Variants in GAB1 observed in about 807,000 individuals in gnomAD.
GAB1 encodes the protein GRB2-associated-binding protein 1.
GAB1 carries 19 observed loss-of-function variants against 66.5 expected under a neutral mutation model. The observed-to-expected ratio is 0.29, with a 90% CI of 0.20 to 0.42. The LOEUF is 0.42. Among genes scored for constraint, GAB1 ranks in the 10% least tolerant of loss-of-function variants. GAB1 has a pLI of 1.00. For synonymous variants in GAB1, 294 were observed against 301.4 expected, an observed-to-expected ratio of 0.98 and a Z score of 0.25; for missense variants, 732 against 858.5, an observed-to-expected ratio of 0.85 and a Z score of 1.84.
In GAB1 at chr4:143,415,616, G is replaced by C; in HGVS notation, c.212G>C (p.Gly71Ala). The C allele has an allele frequency of 1.2e-6, 2 of 1,613,914 alleles. No individual in the cohort carries two copies. Among genetic ancestry groups the C allele is most frequent in the Non-Finnish European group, 1.7e-6 (2 of 1,179,806 alleles). The change falls in exon 2 of 10, where the codon GGA (glycine) becomes GCA (alanine). Residue 71 changes from glycine (G) to alanine (A), a missense_variant. Physicochemically the swap from Gly to Ala is moderately conservative, Grantham distance 60. Coordinates refer to ENST00000262994, the MANE Select transcript of GAB1 (RefSeq NM_002039.4). The stretch of plus-strand genomic sequence containing the variant: ...AATTTATGTCAACAAGTAGATGCTG[G>C]ATTGACATTTAACAAAAAAGAGTTT... ...DLNLCQQVDA[G>A]LTFNKKEFEN... is the part of the protein sequence containing the mutation.
chr4:143,438,366 C>G lies in GAB1; in HGVS notation c.961C>G (p.Arg321Gly), dbSNP rs982403764. 3 of 1,614,052 alleles carry G rather than the reference C, an allele frequency of 1.9e-6. No homozygotes were observed. The highest frequency in any genetic ancestry group is 1.7e-6 in the Non-Finnish European group (2 of 1,179,984). Reference protein sequence around the residue: ...PTPGNTYQIPRTFPEGTLGQT... With the variant: ...PTPGNTYQIPGTFPEGTLGQT... ...ACCTGGTAATACTTATCAGATTCCA[C>G]GAACATTTCCAGAAGGAACCTTGGG... Residue 321 changes from arginine to glycine, a missense_variant, in exon 4 of 10, where the codon CGA (arginine) becomes GGA (glycine). Physicochemically the swap from Arg to Gly is moderately radical, Grantham distance 125. Around this residue, in one of 4 missense-constraint regions of GAB1, gnomAD observed 427 missense variants for 420.6 expected, o/e 1.02. Coordinates refer to ENST00000262994, the MANE Select transcript of GAB1 (RefSeq NM_002039.4).
chr4:143,447,596 A>T (rs1049626159), intron 6 of GAB1, among the ~76,000 whole-genome samples: 9 of 149,536 alleles, frequency 6.0e-5, no homozygotes, highest in African/African-American at 1.9e-4. Flanking sequence ...GCTCTCTGTT[A>T]TTGGTGTATA....
intron 1 of GAB1, among the ~76,000 whole-genome samples, chr4:143,372,922 C>T (rs983862680): frequency 1.3e-5 from 2 of 152,194 alleles, no homozygotes; most frequent in African/African-American, 4.8e-5. Context: ...AATGATGCTC[C>T]CAGAATTCAA....
chr4:143,378,839 A>C (rs560202390), intron 1 of GAB1, among the ~76,000 whole-genome samples: 15 of 152,246 alleles, frequency 9.9e-5, no homozygotes, highest in Middle Eastern at 3.4e-3. Context: ...CAGACTCTGC[A>C]GCTGACCCTT....
chr4:143,439,714 TA>T, intron 4 of GAB1, 87 bp from the exon 5 acceptor site: 1 of 844,134 alleles, frequency 1.2e-6, no homozygotes, highest in Non-Finnish European at 2.0e-6. Flanking sequence ...TGCATATGTA[TA>T]ATGAGAGAAA....
intron 1 of GAB1, among the ~76,000 whole-genome samples, chr4:143,364,908 C>T (rs1383652859): frequency 1.7e-5 from 2 of 119,642 alleles, no homozygotes; most frequent in South Asian, 3.0e-4. Flanking sequence ...GACGGAGTCT[C>T]ACTCTGTCAC....
rs188946557 is a variant in GAB1, at chr4:143,371,015, G to A, written c.72+33755G>A. Among the ~76,000 whole-genome samples, 510 of 152,298 alleles carry A rather than the reference G, an allele frequency of 3.3e-3. 1 individual carries two copies. The highest frequency in any genetic ancestry group is 0.011 in the African/African-American group (476 of 41,552). On this transcript the variant is annotated intron_variant, in intron 1 of 9. Coordinates refer to ENST00000262994, the MANE Select transcript of GAB1 (RefSeq NM_002039.4). ...ATAGTGACGCAATAAACATATGTCC[G>A]CATGTGTCTTTATAGCAGCATGATT...
At position 143,337,227 on chromosome 4, in the gene GAB1, C is replaced by G. The variant is rs1384990273; in HGVS notation, c.39C>G (p.Arg13=). The G allele has an allele frequency of 6.3e-7, 1 of 1,586,300 alleles. No individual in the cohort carries two copies. The highest frequency in any genetic ancestry group is 8.6e-7 in the Non-Finnish European group (1 of 1,166,120). The part of the protein sequence containing the change: ...GGEVVCSGWL[R]KSPPEKKLKR... ...AAGTGGTCTGCTCCGGATGGCTCCG[C>G]AAGTCCCCCCCGGAGAAAAAGTTGA... Residue 13 remains arginine, a synonymous_variant, in exon 1 of 10, where the codon CGC becomes CGG. Transcript: ENST00000262994.
In GAB1 at chr4:143,373,868, A is replaced by AATAAATAAATAAATATATATAT; in HGVS notation, c.72+36611_72+36612insAATAAATAAATATATATATATA. 2.6e-3 allele frequency among the ~76,000 whole-genome samples: 248 copies of AATAAATAAATAAATATATATAT among 93,670 alleles called. 4 individuals are homozygous for AATAAATAAATAAATATATATAT. The highest frequency in any genetic ancestry group is 8.9e-3 in the South Asian group (20 of 2,248). 61.5% of individuals were successfully genotyped at this position (93,670 alleles called of 152,430 possible). On this transcript the variant is annotated intron_variant, in intron 1 of 9. Coordinates refer to ENST00000262994, the MANE Select transcript of GAB1 (RefSeq NM_002039.4). The stretch of plus-strand genomic sequence containing the variant: ...CTCTCTCTCTCTCTGTAAATAAATA[A>AATAAATAAATAAATATATATAT]ATATATATATATATATATTTTTACC...
intron 1 of GAB1, among the ~76,000 whole-genome samples, chr4:143,361,847 A>G (rs536202012): frequency 6.6e-6 from 1 of 152,054 alleles, no homozygotes; most frequent in East Asian, 1.9e-4. Flanking sequence ...ATGTGACTGC[A>G]GTCTGATTGC....
chr4:143,349,615 G>A, intron 1 of GAB1: 1 of 1,460,268 alleles, frequency 6.8e-7, no homozygotes, highest in Non-Finnish European at 9.3e-7. Context: ...CACCTTGCAA[G>A]GGACGGTGTG....
chr4:143,449,468 G>T (rs1196097381), intron 6 of GAB1, among the ~76,000 whole-genome samples: 1 of 151,828 alleles, frequency 6.6e-6, no homozygotes, highest in South Asian at 2.1e-4. Flanking sequence ...ATGAATCTGG[G>T]TGCTCCTGTA....
rs1323055363 is a variant in GAB1 at position 143,471,224 on chromosome 4, C to G, written c.*2035C>G. 6.6e-6 allele frequency: 1 copy of G among 152,112 alleles called. No homozygotes were observed. The highest frequency in any genetic ancestry group is 2.4e-5 in the African/African-American group (1 of 41,418). The allele number at this position is 152,112 out of a possible 1,614,324, so 9.4% of individuals were successfully genotyped here. A position where few individuals can be genotyped will look rare whatever the true frequency, so the allele number is the denominator to read the frequency against. On this transcript the variant is annotated 3_prime_UTR_variant, in exon 10 of 10. Coordinates refer to ENST00000262994, the MANE Select transcript of GAB1 (RefSeq NM_002039.4). The stretch of plus-strand genomic sequence containing the variant: ...AATGAATGTTTTTAGTCTAACTTAT[C>G]ATTAACTTTTTACAAGTCACCATAT...
chr4:143,373,113 C>T (rs1393530452), intron 1 of GAB1, among the ~76,000 whole-genome samples: 2 of 151,928 alleles, frequency 1.3e-5, no homozygotes, highest in East Asian at 3.9e-4. Context: ...TTGAGCTAGG[C>T]TGTAAAGCCA....
chr4:143,441,201 T>G (rs2149760079), intron 6 of GAB1, among the ~76,000 whole-genome samples: 1 of 152,324 alleles, frequency 6.6e-6, no homozygotes, highest in East Asian at 1.9e-4. Context: ...CTACCCAGGT[T>G]TTTTAAATTG....
chr4:143,407,234 T>C (rs1732096537), intron 1 of GAB1, among the ~76,000 whole-genome samples: 1 of 151,968 alleles, frequency 6.6e-6, no homozygotes, highest in Non-Finnish European at 1.5e-5. Context: ...CACCTATGTA[T>C]ATTAAATACT....
chr4:143,359,026 A>G (rs1042475711), intron 1 of GAB1, among the ~76,000 whole-genome samples: 1 of 152,198 alleles, frequency 6.6e-6, no homozygotes, highest in South Asian at 2.1e-4. Flanking sequence ...TATAATCCAG[A>G]CTGGCTTGTC....
chr4:143,458,876 C>T (rs920753177), intron 6 of GAB1, among the ~76,000 whole-genome samples: 4 of 151,734 alleles, frequency 2.6e-5, no homozygotes, highest in South Asian at 4.2e-4. Flanking sequence ...TTAAAAGATT[C>T]GAACATTTTT....
intron 1 of GAB1, among the ~76,000 whole-genome samples, chr4:143,368,894 C>T (rs1729997389): frequency 6.6e-6 from 1 of 152,110 alleles, no homozygotes; most frequent in Non-Finnish European, 1.5e-5. Context: ...AAGCGATTCT[C>T]CTGCCTTAGC....
Sources: gnomAD v4.1 joint callset for allele counts (sites outside exome capture counted in the v4.1 genomes callset) on GRCh38, gnomAD v4.1.1 for gene constraint, gnomAD v4.1.1 regional missense constraint, MANE v1.5 for transcripts, NCBI Gene and HGNC (gene_info 2026-07-23, HGNC 2026-07-21) for gene names.